Variants in RBFOX1 observed in about 807,000 individuals in gnomAD.
RBFOX1 encodes RNA binding fox-1 homolog 1, also known as RNA binding protein fox-1 homolog 1.
Under a neutral mutation model 57.7 loss-of-function variants are expected in RBFOX1, and 8 were observed. The ratio of observed to expected loss-of-function variants is 0.14; its 90% CI spans 0.08 to 0.25. RBFOX1 has a LOEUF of 0.25. Among genes scored for constraint, RBFOX1 ranks in the 10% least tolerant of loss-of-function variants. RBFOX1 has a pLI of 1.00. For synonymous variants in RBFOX1, 326 were observed against 222.4 expected, an observed-to-expected ratio of 1.47 and a Z score of -4.15; for missense variants, 611 against 548.5, an observed-to-expected ratio of 1.11 and a Z score of -1.14.
chr16:6,153,367 T>C (rs1404724929), intron 1 of RBFOX1, among the ~76,000 whole-genome samples: 1 of 152,230 alleles, frequency 6.6e-6, no homozygotes, highest in East Asian at 1.9e-4. Context: ...AAAATATTGT[T>C]CCTTGCTAAT....
At chr16:6,100,331 G>T (rs1336262021) in intron 1 of RBFOX1, among the ~76,000 whole-genome samples, 2 of 151,996 alleles carry the variant, frequency 1.3e-5, no homozygotes, top group Non-Finnish European at 2.9e-5. Context: ...CCTGGCTAAT[G>T]TTTTGTATTT....
intron 4 of RBFOX1, among the ~76,000 whole-genome samples, chr16:7,493,126 G>A (rs560070779): frequency 5.3e-5 from 8 of 152,254 alleles, no homozygotes; most frequent in East Asian, 1.9e-4. Context: ...GGATTCGCCC[G>A]CCTCTGCCTC....
At chr16:7,688,225 G>C (rs1447932160) in intron 14 of RBFOX1, among the ~76,000 whole-genome samples, 1 of 5,828 alleles carries the variant, frequency 1.7e-4, no homozygotes, top group Admixed American at 3.2e-3. Flanking sequence ...GTTTAAATGT[G>C]TGTGTGTGTG....
intron 4 of RBFOX1, among the ~76,000 whole-genome samples, chr16:7,429,004 G>T (rs962414908): frequency 6.6e-6 from 1 of 152,130 alleles, no homozygotes; most frequent in African/African-American, 2.4e-5. Flanking sequence ...GATTTCTATT[G>T]TTGTCCTTGA....
At chr16:5,636,044 A>T (rs1198724042) in intron 3 of RBFOX1, among the ~76,000 whole-genome samples, 1 of 151,810 alleles carries the variant, frequency 6.6e-6, no homozygotes, top group Non-Finnish European at 1.5e-5. Context: ...CCCTTTCTCC[A>T]TTTAAAAAAG....
intron 3 of RBFOX1, among the ~76,000 whole-genome samples, chr16:5,677,112 G>T (rs903442077): frequency 3.3e-5 from 5 of 152,296 alleles, no homozygotes; most frequent in South Asian, 4.1e-4. Flanking sequence ...GGAGGGCAAG[G>T]TCAAACGGAC....
intron 14 of RBFOX1, among the ~76,000 whole-genome samples, chr16:7,696,493 G>C (rs531268558): frequency 6.8e-6 from 1 of 146,094 alleles, no homozygotes; most frequent in South Asian, 2.1e-4. Flanking sequence ...AGAAGGGTCT[G>C]GTATGAGAAT....
At chr16:7,201,421 G>A (rs78740967) in intron 4 of RBFOX1, among the ~76,000 whole-genome samples, 4,513 of 151,268 alleles carry the variant, frequency 0.03, 110 homozygotes, top group South Asian at 0.091. Flanking sequence ...TCCTTAGTTT[G>A]ATCTAGGCAA....
chr16:6,481,126 A>T (rs917572981), intron 2 of RBFOX1, among the ~76,000 whole-genome samples: 1 of 152,158 alleles, frequency 6.6e-6, no homozygotes, highest in East Asian at 1.9e-4. Context: ...CCGAGAGACA[A>T]TATCAGTTTA....
At chr16:7,470,128 A>G (rs1444391802) in intron 4 of RBFOX1, among the ~76,000 whole-genome samples, 1 of 151,480 alleles carries the variant, frequency 6.6e-6, no homozygotes, top group African/African-American at 2.4e-5. Context: ...CTTTTTGATT[A>G]GTGCAAATAA....
At chr16:5,273,227 T>G (rs2063058758) in intron 1 of RBFOX1, among the ~76,000 whole-genome samples, 6 of 151,452 alleles carry the variant, frequency 4.0e-5, no homozygotes. Flanking sequence ...GCTTTCAATT[T>G]TTTTTTTTTT....
At chr16:7,279,423 G>C (rs1042383962) in intron 4 of RBFOX1, among the ~76,000 whole-genome samples, 2 of 152,100 alleles carry the variant, frequency 1.3e-5, no homozygotes, top group African/African-American at 2.4e-5. Flanking sequence ...CAGGCTTTCT[G>C]TTACTCGTTT....
intron 4 of RBFOX1, among the ~76,000 whole-genome samples, chr16:7,163,580 C>G (rs1185280869): frequency 1.3e-5 from 2 of 152,104 alleles, no homozygotes; most frequent in Admixed American, 1.3e-4. Flanking sequence ...GCTCTTTCAT[C>G]ATCTCAGTTT....
chr16:6,141,972 T>C (rs544137824), intron 1 of RBFOX1, among the ~76,000 whole-genome samples: 1 of 151,470 alleles, frequency 6.6e-6, no homozygotes, highest in East Asian at 2.0e-4. Flanking sequence ...GGCAGAAGAA[T>C]GGTTTCAACC....
At chr16:5,944,511 T>C (rs1213159950) in intron 4 of RBFOX1, among the ~76,000 whole-genome samples, 2 of 152,126 alleles carry the variant, frequency 1.3e-5, no homozygotes, top group Non-Finnish European at 2.9e-5. Context: ...CAAGGCTTTG[T>C]ATTAAGCTAC....
intron 11 of RBFOX1, among the ~76,000 whole-genome samples, chr16:7,653,457 G>C (rs948123959): frequency 9.9e-5 from 15 of 152,156 alleles, no homozygotes; most frequent in Non-Finnish European, 2.1e-4. Flanking sequence ...AGTGAGCCGT[G>C]ATTGCACCAC....
At chr16:7,107,047 C>G (rs1160086938) in intron 4 of RBFOX1, among the ~76,000 whole-genome samples, 1 of 151,746 alleles carries the variant, frequency 6.6e-6, no homozygotes, top group Non-Finnish European at 1.5e-5. Context: ...GTGGTAAGTG[C>G]TATGATGTCA....
intron 1 of RBFOX1, among the ~76,000 whole-genome samples, chr16:5,445,230 A>G (rs977215518): frequency 8.5e-5 from 13 of 152,206 alleles, no homozygotes; most frequent in African/African-American, 3.1e-4. Context: ...GGGGACTAAT[A>G]TGACAAATAT....
At chr16:6,369,579 G>C (rs1187587442) in intron 2 of RBFOX1, among the ~76,000 whole-genome samples, 1 of 152,110 alleles carries the variant, frequency 6.6e-6, no homozygotes, top group African/African-American at 2.4e-5. Flanking sequence ...ATGTCCTCGA[G>C]GGCTGGTAGG....
Sources: gnomAD v4.1 joint callset for allele counts (sites outside exome capture counted in the v4.1 genomes callset) on GRCh38, gnomAD v4.1.1 for gene constraint, MANE v1.5 for transcripts, NCBI Gene and HGNC (gene_info 2026-07-23, HGNC 2026-07-21) for gene names.